Variants in ZFYVE9 observed in about 807,000 individuals in gnomAD.
The protein encoded by ZFYVE9 is zinc finger FYVE-type containing 9.
In ZFYVE9, 43 loss-of-function variants were observed where a neutral mutation model predicts 126.7. The ratio of observed to expected loss-of-function variants is 0.34; its 90% CI spans 0.27 to 0.44. The LOEUF (loss-of-function observed/expected upper bound fraction) is 0.44. Ranked by LOEUF, ZFYVE9 falls within the 20% of genes least tolerant of loss-of-function variation. The pLI, the probability that ZFYVE9 is intolerant of heterozygous loss-of-function variation, is 1.00. For missense variants in ZFYVE9, 1,476 were observed against 1,697.0 expected (o/e 0.87, Z 2.29); for synonymous variants, 521 against 597.4 (o/e 0.87, Z 1.87).
intron 1 of ZFYVE9, among the ~76,000 whole-genome samples, chr1:52,181,713 T>G (rs943664026): frequency 2.7e-5 from 4 of 146,954 alleles, no homozygotes; most frequent in African/African-American, 1.0e-4. Context: ...GTCTGAGATG[T>G]GGGGAGCGCC....
At chr1:52,165,458 G>A (rs543720190) in intron 1 of ZFYVE9, among the ~76,000 whole-genome samples, 1 of 152,284 alleles carries the variant, frequency 6.6e-6, no homozygotes, top group African/African-American at 2.4e-5. Flanking sequence ...GGAGTTTTGT[G>A]TGTATACATG....
intron 10 of ZFYVE9, among the ~76,000 whole-genome samples, chr1:52,286,800 G>A (rs895474979): frequency 2.0e-5 from 3 of 152,138 alleles, no homozygotes; most frequent in Non-Finnish European, 4.4e-5. Flanking sequence ...TATTCTGCAT[G>A]ATCTGTTCCT....
chr1:52,255,962 T>C lies in ZFYVE9; in HGVS notation c.2179-7811T>C, dbSNP rs940608774. Among the ~76,000 whole-genome samples the C allele has an allele frequency of 1.4e-3, 125 of 90,778 alleles. 3 individuals are homozygous for C. The highest frequency in any genetic ancestry group is 8.1e-3 in the African/African-American group (103 of 12,776). The allele number at this position is 90,778 out of a possible 152,430, so 59.6% of individuals were successfully genotyped here. A position where few individuals can be genotyped will look rare whatever the true frequency, so the allele number is the denominator to read the frequency against. On this transcript the variant is annotated intron_variant, in intron 4 of 18. Transcript: ENST00000287727. ...TCTTTTCTTTTCTTTTCTTTTCTTT[T>C]CTTTTCTTTCTTTCTTTCTTTCCTT...
rs1442613829 is a variant in ZFYVE9, at chr1:52,142,489, G to T, written c.-143+86G>T. On this transcript the variant is annotated intron_variant, in intron 1 of 18. Transcript: ENST00000287727. The surrounding 1 kb of genome is among the most constrained non-coding windows in gnomAD (Gnocchi z 4.5). ...GCGGCAGACCGCGGGCCGGGCGGAC[G>T]GGGCGTCCTGCCACTGCGGTCGCCT... is the stretch of plus-strand genomic sequence containing the variant. 6.6e-6 allele frequency: 1 copy of T among 152,102 alleles called. No individual in the cohort carries two copies. Among genetic ancestry groups the T allele is most frequent in the African/African-American group, 2.4e-5 (1 of 41,432 alleles). 9.4% of individuals were successfully genotyped at this position (152,102 alleles called of 1,614,324 possible).
intron 1 of ZFYVE9, among the ~76,000 whole-genome samples, chr1:52,191,981 A>G (rs1200788606): frequency 6.6e-6 from 1 of 151,660 alleles, no homozygotes; most frequent in Non-Finnish European, 1.5e-5. Context: ...TTAAATGGAC[A>G]TGGTCTTAAC....
At chr1:52,247,641 C>T (rs1288269012) in intron 4 of ZFYVE9, among the ~76,000 whole-genome samples, 1 of 152,108 alleles carries the variant, frequency 6.6e-6, no homozygotes, top group Non-Finnish European at 1.5e-5. Context: ...GGATTACAAG[C>T]ACCCACCACC....
chr1:52,202,142 G>T (rs1036778494), intron 1 of ZFYVE9, among the ~76,000 whole-genome samples: 4 of 152,182 alleles, frequency 2.6e-5, no homozygotes, highest in Non-Finnish European at 4.4e-5. Flanking sequence ...TAGGGGTACA[G>T]ATTTTTAGGT....
intron 10 of ZFYVE9, among the ~76,000 whole-genome samples, chr1:52,289,361 G>A (rs567991950): frequency 7.9e-5 from 12 of 152,134 alleles, no homozygotes; most frequent in East Asian, 7.7e-4. Flanking sequence ...AAATGGTACC[G>A]TTCTGCTTAC....
chr1:52,291,903 A>AG lies in ZFYVE9; in HGVS notation c.3026-1550_3026-1549insG, dbSNP rs2147828211. ...TCTGTCTCAAAAAAAAAAAAAAAAA[A>AG]AAAGAGAAACCTGCTTAATATGAAT... On this transcript the variant is annotated intron_variant, in intron 10 of 18. Coordinates refer to ENST00000287727, the MANE Select transcript of ZFYVE9 (RefSeq NM_004799.4). Among the ~76,000 whole-genome samples, 3 of 151,698 alleles carry AG rather than the reference A, an allele frequency of 2.0e-5. 1 individual carries two copies. The South Asian group carries it at 6.2e-4, about 32-fold the overall frequency.
intron 13 of ZFYVE9, among the ~76,000 whole-genome samples, chr1:52,321,993 C>T (rs1646244807): frequency 6.6e-6 from 1 of 152,184 alleles, no homozygotes; most frequent in Admixed American, 6.5e-5. Context: ...CTAAATCTCT[C>T]TGCTGTTTTG....
At position 52,346,213 on chromosome 1, in the gene ZFYVE9, A is replaced by T; in HGVS notation, c.4270A>T (p.Ile1424Phe). 6.3e-7 allele frequency: 1 copy of T among 1,597,604 alleles called. No individual in the cohort carries two copies. Among genetic ancestry groups the T allele is most frequent in the Non-Finnish European group, 8.5e-7 (1 of 1,169,750 alleles). ...MELIFYILEN[I>F]V The stretch of plus-strand genomic sequence containing the variant: ...ACTCATCTTTTATATTCTGGAAAAC[A>T]TCGTATAAACAGAGAAGACTTCATT... The change falls in exon 19 of 19, where the codon ATC becomes TTC. Residue 1424 changes from isoleucine to phenylalanine, a missense_variant. By Grantham distance (21) the Ile-to-Phe change is conservative. Transcript: ENST00000287727.
chr1:52,188,078 A>C (rs762259097), intron 1 of ZFYVE9, among the ~76,000 whole-genome samples: 1 of 152,230 alleles, frequency 6.6e-6, no homozygotes, highest in African/African-American at 2.4e-5. Context: ...AATCAACCTA[A>C]ATGCCTATCA....
intron 1 of ZFYVE9, chr1:52,180,601 TA>T: frequency 1.8e-6 from 1 of 558,908 alleles, no homozygotes; most frequent in Non-Finnish European, 3.2e-6. Context: ...CTGGATTTTT[TA>T]AAAAAGGATA....
At chr1:52,314,989 A>T (rs1569738674) in intron 13 of ZFYVE9, among the ~76,000 whole-genome samples, 2 of 152,324 alleles carry the variant, frequency 1.3e-5, no homozygotes, top group East Asian at 3.9e-4. Context: ...TATCACCAAC[A>T]GACCTGTTCC....
chr1:52,226,895 A>C (rs911122179), intron 2 of ZFYVE9, among the ~76,000 whole-genome samples: 2 of 152,212 alleles, frequency 1.3e-5, no homozygotes, highest in African/African-American at 4.8e-5. Context: ...ACAGATGTGC[A>C]TTTATCTCAT....
rs346568 is a variant in ZFYVE9 at position 52,268,273 on chromosome 1, A to T, written c.2456-190A>T. 5.7e-3 allele frequency among the ~76,000 whole-genome samples: 874 copies of T among 152,342 alleles called. 8 individuals carry two copies. The highest frequency in any genetic ancestry group is 0.02 in the African/African-American group (832 of 41,580). On this transcript the variant is annotated intron_variant, in intron 6 of 18. Coordinates refer to ENST00000287727, the MANE Select transcript of ZFYVE9 (RefSeq NM_004799.4). ...CATATAAGTTAAACAAGTAAAGAAT[A>T]TATTTAAATTTGTATTTTTAATTCA...
chr1:52,247,035 C>T (rs902459050), intron 4 of ZFYVE9, among the ~76,000 whole-genome samples: 1 of 151,984 alleles, frequency 6.6e-6, no homozygotes, highest in African/African-American at 2.4e-5. Context: ...TTTAATGTTG[C>T]CCAGGCTGGT....
At chr1:52,317,290 TG>T (rs1646194682) in intron 13 of ZFYVE9, among the ~76,000 whole-genome samples, 1 of 151,920 alleles carries the variant, frequency 6.6e-6, no homozygotes, top group Non-Finnish European at 1.5e-5. Flanking sequence ...AGGTTGAGGT[TG>T]GGGGGATCAC....
At chr1:52,258,642 C>T (rs1333541829) in intron 4 of ZFYVE9, among the ~76,000 whole-genome samples, 1 of 152,168 alleles carries the variant, frequency 6.6e-6, no homozygotes, top group Admixed American at 6.5e-5. Context: ...TAAACTATCC[C>T]AAACCTGGCT....
Sources: gnomAD v4.1 joint callset for allele counts (sites outside exome capture counted in the v4.1 genomes callset) on GRCh38, gnomAD v4.1.1 for gene constraint, Gnocchi (gnomAD v3.1) non-coding constraint, MANE v1.5 for transcripts, NCBI Gene and HGNC (gene_info 2026-07-23, HGNC 2026-07-21) for gene names.